Variants in PCDHGB3 observed in about 807,000 individuals in gnomAD.
PCDHGB3 encodes the protein protocadherin gamma-B3.
Under a neutral mutation model 59.2 loss-of-function variants are expected in PCDHGB3, and 40 were observed. The observed-to-expected ratio is 0.68, with a 90% CI of 0.52 to 0.88. The LOEUF is 0.88. Among genes scored for constraint, PCDHGB3 ranks in the 40% least tolerant of loss-of-function variants. PCDHGB3 has a pLI of 0.00. For synonymous variants in PCDHGB3, 581 were observed against 503.6 expected (o/e 1.15, Z -2.06); for missense variants, 1,309 against 1,187.9 (o/e 1.10, Z -1.50).
In PCDHGB3 at chr5:141,491,257, G is replaced by A. The variant is rs754721047; in HGVS notation, c.2416-3550G>A. 2 of 1,614,170 alleles carry A rather than the reference G, an allele frequency of 1.2e-6. No individual in the cohort carries two copies. The highest frequency in any genetic ancestry group is 3.3e-5 in the Admixed American group (2 of 60,020). On this transcript the variant is annotated intron_variant, in intron 1 of 3. Coordinates refer to ENST00000576222, the MANE Select transcript of PCDHGB3 (RefSeq NM_018924.5). This position sits in a 1 kb window ranked among gnomAD's most constrained non-coding sequence, Gnocchi z 6.9. ...GGTTCTGGAGGATGAGGACCCTGAG[G>A]AAATGCCCAAATCCAGTGACTTCCT... is the stretch of plus-strand genomic sequence containing the variant.
intron 1 of PCDHGB3, chr5:141,423,665 G>A: frequency 6.6e-7 from 1 of 1,512,226 alleles, no homozygotes; most frequent in Non-Finnish European, 8.9e-7. Flanking sequence ...AATCAGGTGA[G>A]ATTTATTTCT....
chr5:141,427,829 G>C, intron 1 of PCDHGB3: 1 of 1,538,520 alleles, frequency 6.5e-7, no homozygotes. Flanking sequence ...TGGTCGCGCA[G>C]CGTGCCTTCG....
At chr5:141,474,854 T>G (rs1007461186) in intron 1 of PCDHGB3, among the ~76,000 whole-genome samples, 3 of 152,260 alleles carry the variant, frequency 2.0e-5, no homozygotes, top group African/African-American at 7.2e-5. Flanking sequence ...CCTGCCTTCT[T>G]CATTTAATAG....
At chr5:141,398,555 G>A in intron 1 of PCDHGB3, 1 of 1,613,934 alleles carries the variant, frequency 6.2e-7, no homozygotes, top group Non-Finnish European at 8.5e-7. Context: ...CTGCAAATAA[G>A]TGAGTCTGCA....
intron 1 of PCDHGB3, chr5:141,424,482 T>C (rs779975685): frequency 1.3e-5 from 2 of 152,216 alleles, no homozygotes; most frequent in Non-Finnish European, 2.9e-5. Context: ...TACTTTGGTG[T>C]CTGTGTTTGT....
chr5:141,374,275 C>A (rs3749775), intron 1 of PCDHGB3: 85,315 of 1,613,944 alleles, frequency 0.053, 2,491 homozygotes, highest in African/African-American at 0.097. Flanking sequence ...AGCACGGAGT[C>A]CGCATCGTCT....
At chr5:141,390,341 A>T (rs766269615) in intron 1 of PCDHGB3, 5 of 1,587,538 alleles carry the variant, frequency 3.1e-6, no homozygotes, top group Non-Finnish European at 4.3e-6. Flanking sequence ...CATATTCACA[A>T]GAAAATATAC....
chr5:141,414,526 G>T, intron 1 of PCDHGB3: 1 of 1,613,912 alleles, frequency 6.2e-7, no homozygotes, highest in Non-Finnish European at 8.5e-7. Flanking sequence ...AGATATCAAT[G>T]ACAACCCACC....
intron 1 of PCDHGB3, chr5:141,427,995 G>T (rs1292989797): frequency 6.3e-7 from 1 of 1,599,590 alleles, no homozygotes; most frequent in Non-Finnish European, 8.6e-7. Flanking sequence ...CGATGGCTCC[G>T]CACTCTTCGA....
At position 141,371,831 on chromosome 5, in the gene PCDHGB3, C is replaced by G. The variant is rs374832321; in HGVS notation, c.1437C>G (p.Pro479=). Residue 479 remains proline (P), a synonymous_variant, in exon 1 of 4, where the codon CCC becomes CCG. Coordinates refer to ENST00000576222, the MANE Select transcript of PCDHGB3 (RefSeq NM_018924.5). ...TTGCGCATGTCAGAGCCTCGGATCC[C>G]GACTTGGGACCTAATGGCCTTGTCT... The part of the protein sequence containing the change: ...ASIAHVRASD[P]DLGPNGLVSY... 7 of 1,613,652 alleles carry G rather than the reference C, an allele frequency of 4.3e-6. No homozygotes were observed. The highest frequency in any genetic ancestry group is 5.1e-6 in the Non-Finnish European group (6 of 1,179,906).
intron 1 of PCDHGB3, among the ~76,000 whole-genome samples, chr5:141,464,886 A>T (rs541933775): frequency 5.2e-4 from 79 of 152,156 alleles, no homozygotes; most frequent in African/African-American, 1.9e-3. Flanking sequence ...CTACAGATGG[A>T]TGCCACCATG....
rs1028921774 is a variant in PCDHGB3, at chr5:141,370,858, A to C, written c.464A>C (p.Glu155Ala). 9 of 1,613,928 alleles carry C rather than the reference A, an allele frequency of 5.6e-6. No individual in the cohort carries two copies. The highest frequency in any genetic ancestry group is 1.7e-5 in the Admixed American group (1 of 60,006). The change falls in exon 1 of 4, where the codon GAA (glutamate) becomes GCA (alanine). Residue 155 changes from glutamate (E) to alanine (A), a missense_variant. Physicochemically the swap from Glu to Ala is moderately radical, Grantham distance 107. Coordinates refer to ENST00000576222, the MANE Select transcript of PCDHGB3 (RefSeq NM_018924.5). ...LALTGATFAL[E>A]SAQDPDVGVN... ...CTCACTGGAGCCACATTTGCCCTGGAATCTGCGCAAGATCCTGATGTAGGT... is the reference window on the plus strand; with the variant it reads ...CTCACTGGAGCCACATTTGCCCTGGCATCTGCGCAAGATCCTGATGTAGGT...
chr5:141,432,336 G>A lies in PCDHGB3; in HGVS notation c.2415+59527G>A. On this transcript the variant is annotated intron_variant, in intron 1 of 3. Coordinates refer to ENST00000576222, the MANE Select transcript of PCDHGB3 (RefSeq NM_018924.5). The surrounding 1 kb of genome is among the most constrained non-coding windows in gnomAD (Gnocchi z 6.0). ...AGCTCCTTCGACTACGAGCAGTTCC[G>A]AGACTTGCAAGTGAAAGTGATGGCG... 1.2e-6 allele frequency: 2 copies of A among 1,614,250 alleles called. No homozygotes were observed. The highest frequency in any genetic ancestry group is 1.7e-6 in the Non-Finnish European group (2 of 1,180,040).
intron 1 of PCDHGB3, among the ~76,000 whole-genome samples, chr5:141,381,794 T>C (rs901900634): frequency 1.3e-4 from 19 of 150,606 alleles, no homozygotes; most frequent in Admixed American, 9.3e-4. Context: ...GGCAAGGCAA[T>C]TCCCTCTTTC....
intron 1 of PCDHGB3, among the ~76,000 whole-genome samples, chr5:141,405,886 CCAACACTGAAAGGAGG>C (rs1168478788): frequency 1.3e-5 from 2 of 152,086 alleles, no homozygotes; most frequent in African/African-American, 4.8e-5. Context: ...AATTGTTGCT[CCAACACTGAAAGGAGG>C]CATTTATTAG....
chr5:141,421,782 C>A, intron 1 of PCDHGB3: 1 of 1,613,878 alleles, frequency 6.2e-7, no homozygotes, highest in Non-Finnish European at 8.5e-7. Context: ...AACTGCGGGG[C>A]AGAACGGATG....
chr5:141,370,840 G>T lies in PCDHGB3; in HGVS notation c.446G>T (p.Gly149Val), dbSNP rs762166631. 1 of 1,614,022 alleles carries T rather than the reference G, an allele frequency of 6.2e-7. No homozygotes were observed. Among genetic ancestry groups the T allele is most frequent in the South Asian group, 1.1e-5 (1 of 91,086 alleles). ...ELEISELALTGATFALESAQD... is the reference protein window; with the variant it reads ...ELEISELALTVATFALESAQD... ...GAAATCAGCGAACTGGCTCTCACTGGAGCCACATTTGCCCTGGAATCTGCG... is the reference window on the plus strand; with the variant it reads ...GAAATCAGCGAACTGGCTCTCACTGTAGCCACATTTGCCCTGGAATCTGCG... Residue 149 changes from glycine (G) to valine (V), a missense_variant, in exon 1 of 4, where the codon GGA becomes GTA. By Grantham distance (109) the Gly-to-Val change is moderately radical. Transcript: ENST00000576222.
At chr5:141,480,085 A>G (rs2099512286) in intron 1 of PCDHGB3, among the ~76,000 whole-genome samples, 1 of 152,216 alleles carries the variant, frequency 6.6e-6, no homozygotes, top group Admixed American at 6.5e-5. Context: ...TGCATGATAT[A>G]ATGTATGCAA....
At position 141,485,930 on chromosome 5, in the gene PCDHGB3, G is replaced by C; in HGVS notation, c.2416-8877G>C. ...ATCCAGCTACAGGATTAGTGTGTTGGAGAGCGCACCAGCGGGCATGGTGCT... is the reference window on the plus strand; with the variant it reads ...ATCCAGCTACAGGATTAGTGTGTTGCAGAGCGCACCAGCGGGCATGGTGCT... On this transcript the variant is annotated intron_variant, in intron 1 of 3. Coordinates refer to ENST00000576222, the MANE Select transcript of PCDHGB3 (RefSeq NM_018924.5). The surrounding 1 kb of genome is among the most constrained non-coding windows in gnomAD (Gnocchi z 5.7). 6.2e-7 allele frequency: 1 copy of C among 1,614,178 alleles called. No homozygotes were observed. The highest frequency in any genetic ancestry group is 8.5e-7 in the Non-Finnish European group (1 of 1,180,042).
Sources: gnomAD v4.1 joint callset for allele counts (sites outside exome capture counted in the v4.1 genomes callset) on GRCh38, gnomAD v4.1.1 for gene constraint, Gnocchi (gnomAD v3.1) non-coding constraint, MANE v1.5 for transcripts, NCBI Gene and HGNC (gene_info 2026-07-23, HGNC 2026-07-21) for gene names.